The following ADGRB1 variants were observed in gnomAD, a reference collection of about 807,000 sequenced individuals.
The protein encoded by ADGRB1 is adhesion G protein-coupled receptor B1.
ADGRB1 carries 36 observed loss-of-function variants against 175.7 expected under a neutral mutation model. The ratio of observed to expected loss-of-function variants is 0.20; its 90% CI spans 0.16 to 0.27. ADGRB1 has a LOEUF of 0.27. ADGRB1 is among the 10% of genes least tolerant of loss of function. The pLI is 1.00. For missense variants in ADGRB1, 1,731 were observed against 2,255.3 expected (o/e 0.77, Z 4.71); for synonymous variants, 1,054 against 979.4 (o/e 1.08, Z -1.42).
rs976536410 is a variant in ADGRB1, at chr8:142,467,313, C to T, written c.784+2331C>T. Among the ~76,000 whole-genome samples, 15 of 152,212 alleles carry T rather than the reference C, an allele frequency of 9.9e-5. No homozygotes were observed. In the East Asian group the frequency reaches 1.2e-3, roughly 12 times the overall value. The stretch of plus-strand genomic sequence containing the variant: ...GTCAGCCCTGAGGGGAAGCCTGGGA[C>T]GGGCTGGCAGCCGGTGCCGGCATTC... On this transcript the variant is annotated intron_variant, in intron 2 of 30. Transcript: ENST00000517894.
At chr8:142,533,638 G>A (rs531724086) in intron 25 of ADGRB1, among the ~76,000 whole-genome samples, 172 bp downstream of exon 25, 16 of 152,166 alleles carry the variant, frequency 1.1e-4, no homozygotes, top group Non-Finnish European at 1.8e-4. Context: ...GCAGGTGAGC[G>A]TGTCCACCCC....
At chr8:142,482,629 T>C (rs1284292883) in intron 11 of ADGRB1, among the ~76,000 whole-genome samples, 3 of 138,182 alleles carry the variant, frequency 2.2e-5, no homozygotes, top group African/African-American at 8.3e-5. Flanking sequence ...CCTCGTCACA[T>C]GCTGAGTCCT....
chr8:142,487,955 G>A (rs1282303252), intron 13 of ADGRB1, among the ~76,000 whole-genome samples: 1 of 152,202 alleles, frequency 6.6e-6, no homozygotes, highest in African/African-American at 2.4e-5. Context: ...AGGGCAGCTG[G>A]GCTCCCCTGT....
Position 142,511,150 on chromosome 8 carries a change from G to T in ADGRB1, c.2817+77G>T. ...GGGGCTGCCGGCGGGCCTGCGGGTG[G>T]GGAGGGCCCGCACCCGTCCTGTCCC... is the stretch of plus-strand genomic sequence containing the variant. On this transcript the variant is annotated intron_variant, in intron 18 of 30. Coordinates refer to ENST00000517894, the MANE Select transcript of ADGRB1 (RefSeq NM_001702.3). This position sits in a 1 kb window ranked among gnomAD's most constrained non-coding sequence, Gnocchi z 4.5. The T allele has an allele frequency of 1.0e-6, 1 of 996,056 alleles. No individual in the cohort carries two copies. The highest frequency in any genetic ancestry group is 1.2e-6 in the Non-Finnish European group (1 of 828,300). The allele number at this position is 996,056 out of a possible 1,614,324, so 61.7% of individuals were successfully genotyped here.
rs149679802 is a variant in ADGRB1 at position 142,454,188 on chromosome 8, G to A, written c.-220+4084G>A. Reference sequence around the variant, plus strand: ...CTGAGTGCACAGCCTGTTGAGTGCCGCTGCCACGCCCACAGCTGCACTGCA... The same window carrying A: ...CTGAGTGCACAGCCTGTTGAGTGCCACTGCCACGCCCACAGCTGCACTGCA... On this transcript the variant is annotated intron_variant, in intron 1 of 30. Transcript: ENST00000517894. Among the ~76,000 whole-genome samples, 691 of 152,238 alleles carry A rather than the reference G, an allele frequency of 4.5e-3. 5 individuals carry two copies. The highest frequency in any genetic ancestry group is 0.016 in the African/African-American group (663 of 41,522).
chr8:142,536,972 G>A lies in ADGRB1; in HGVS notation c.3571-15G>A, dbSNP rs776042039. On this transcript the variant is annotated splice_polypyrimidine_tract_variant and intron_variant, in intron 25 of 30. Coordinates refer to ENST00000517894, the MANE Select transcript of ADGRB1 (RefSeq NM_001702.3). ...GGCGTGGCTGCCACTGAGGTGCTCG[G>A]CTCTCCCTCCCCAGGTCCAGGACGC... 4.5e-6 allele frequency: 7 copies of A among 1,570,694 alleles called. No individual in the cohort carries two copies. In the East Asian group the frequency reaches 1.7e-4, roughly 37 times the overall value.
chr8:142,454,609 A>T (rs1237714353), intron 1 of ADGRB1, among the ~76,000 whole-genome samples: 1 of 152,106 alleles, frequency 6.6e-6, no homozygotes, highest in Non-Finnish European at 1.5e-5. Context: ...TGGCAGTGGG[A>T]CCCAGGGGGT....
At chr8:142,514,632 T>C (rs9693298) in intron 18 of ADGRB1, among the ~76,000 whole-genome samples, 147,970 of 152,254 alleles carry the variant, frequency 0.97, 72,012 homozygotes, top group East Asian at 1. Flanking sequence ...CAACCAGGTT[T>C]GGGGCTCAGT....
At chr8:142,469,130 C>T (rs1374053537) in intron 2 of ADGRB1, among the ~76,000 whole-genome samples, 1 of 149,242 alleles carries the variant, frequency 6.7e-6, no homozygotes, top group Non-Finnish European at 1.5e-5. Flanking sequence ...CAGAGCTGTG[C>T]GTGTGTGCAT....
intron 20 of ADGRB1, among the ~76,000 whole-genome samples, chr8:142,521,707 G>A (rs891534978): frequency 6.6e-6 from 1 of 152,242 alleles, no homozygotes; most frequent in African/African-American, 2.4e-5. Context: ...CCCTGGCTTA[G>A]CATTTGGTGT....
intron 26 of ADGRB1, among the ~76,000 whole-genome samples, chr8:142,538,381 T>G (rs1217861934): frequency 6.6e-6 from 1 of 152,102 alleles, no homozygotes; most frequent in Non-Finnish European, 1.5e-5. Flanking sequence ...TTGGGTGACG[T>G]CCAGGCAGGC....
chr8:142,467,461 C>T (rs1388170589), intron 2 of ADGRB1, among the ~76,000 whole-genome samples: 1 of 152,168 alleles, frequency 6.6e-6, no homozygotes, highest in Admixed American at 6.5e-5. Context: ...GGCAGGGAAC[C>T]CCTCCCAGGT....
chr8:142,484,977 G>C (rs563123956), intron 13 of ADGRB1, among the ~76,000 whole-genome samples: 85 of 152,332 alleles, frequency 5.6e-4, no homozygotes, highest in Middle Eastern at 3.4e-3. Context: ...CACGGGGTGT[G>C]GACCTGGGAG....
At chr8:142,503,804 G>T (rs575159907) in intron 17 of ADGRB1, among the ~76,000 whole-genome samples, 1 of 152,336 alleles carries the variant, frequency 6.6e-6, no homozygotes, top group East Asian at 1.9e-4. Context: ...GGACCCTGGG[G>T]AGGGCTGGGT....
chr8:142,524,763 G>T (rs1381507856), intron 23 of ADGRB1, among the ~76,000 whole-genome samples: 1 of 152,114 alleles, frequency 6.6e-6, no homozygotes, highest in Non-Finnish European at 1.5e-5. Context: ...TTCCCTGTGT[G>T]GGTCCTTGGG....
Position 142,499,957 on chromosome 8 carries a change from C to T in ADGRB1, c.2675+9142C>T, listed in dbSNP as rs79543084. The stretch of plus-strand genomic sequence containing the variant: ...GTGGAGCGACCCCTCAATGCCCACC[C>T]GGTTCCTTTGCACCCAGATGGCCCT... On this transcript the variant is annotated intron_variant, in intron 17 of 30. Coordinates refer to ENST00000517894, the MANE Select transcript of ADGRB1 (RefSeq NM_001702.3). 2.3e-4 allele frequency among the ~76,000 whole-genome samples: 19 copies of T among 81,844 alleles called. No homozygotes were observed. The South Asian group carries it at 7.5e-3, about 32-fold the overall frequency. 53.7% of individuals were successfully genotyped at this position (81,844 alleles called of 152,430 possible).
At chr8:142,479,129 C>A in intron 7 of ADGRB1, 194 bp from the exon 8 acceptor site, 1 of 555,458 alleles carries the variant, frequency 1.8e-6, no homozygotes, top group Non-Finnish European at 2.8e-6. Flanking sequence ...TATTTTGTAT[C>A]AGGCTGATGA....
intron 17 of ADGRB1, among the ~76,000 whole-genome samples, chr8:142,497,760 G>C (rs888910118): frequency 6.6e-6 from 1 of 152,242 alleles, no homozygotes; most frequent in Admixed American, 6.5e-5. Context: ...CTCTTGGTTG[G>C]TCCTTGGGTA....
intron 17 of ADGRB1, among the ~76,000 whole-genome samples, chr8:142,506,973 T>A (rs1842880388): frequency 6.6e-6 from 1 of 152,184 alleles, no homozygotes; most frequent in Non-Finnish European, 1.5e-5. Context: ...CAGACCTGCA[T>A]TTCAGTCAAG....
Sources: allele counts gnomAD v4.1 joint callset (sites outside exome capture counted in the v4.1 genomes callset), GRCh38; gene constraint gnomAD v4.1.1; non-coding constraint Gnocchi (gnomAD v3.1); transcripts MANE v1.5; gene names NCBI Gene and HGNC (gene_info 2026-07-23, HGNC 2026-07-21).